The following CHST11 variants were observed in gnomAD, a reference collection of about 807,000 sequenced individuals.
CHST11 encodes the protein carbohydrate sulfotransferase 11, also known as C4S-1.
Under a neutral mutation model 30.4 loss-of-function variants are expected in CHST11, and 9 were observed. The observed-to-expected ratio is 0.30, with a 90% CI of 0.18 to 0.52. The LOEUF is 0.52. Among genes scored for constraint, CHST11 ranks in the 20% least tolerant of loss-of-function variants. The pLI is 0.97. For missense variants in CHST11, 348 were observed against 460.6 expected, an observed-to-expected ratio of 0.76 and a Z score of 2.24; for synonymous variants, 152 against 187.8, an observed-to-expected ratio of 0.81 and a Z score of 1.56.
At chr12:104,477,412 A>G (rs1291437354) in intron 1 of CHST11, among the ~76,000 whole-genome samples, 1 of 152,156 alleles carries the variant, frequency 6.6e-6, no homozygotes, top group Non-Finnish European at 1.5e-5. Flanking sequence ...TCTGCGAGAA[A>G]AATTTCTTTT....
At chr12:104,616,798 A>G (rs565115280) in intron 2 of CHST11, among the ~76,000 whole-genome samples, 2 of 152,150 alleles carry the variant, frequency 1.3e-5, no homozygotes, top group Non-Finnish European at 2.9e-5. Flanking sequence ...GGTGGTCTGC[A>G]CAATCATTAA....
chr12:104,757,834 TTTTAA>T lies in CHST11; in HGVS notation c.*37_*41del. On this transcript the variant is annotated 3_prime_UTR_variant, in exon 3 of 3. Transcript: ENST00000303694. This position sits in a 1 kb window ranked among gnomAD's most constrained non-coding sequence, Gnocchi z 6.5. ...GTGGGGAGAGGGAGAGAATCATGCT[TTTTAA>T]TTTAAGATTTTTATTTGTCAAAAGA... is the stretch of plus-strand genomic sequence containing the variant. 1 of 1,558,980 alleles carries T rather than the reference TTTTAA, an allele frequency of 6.4e-7. No homozygotes were observed. The highest frequency in any genetic ancestry group is 8.7e-7 in the Non-Finnish European group (1 of 1,154,778).
At chr12:104,638,107 T>C (rs1479288891) in intron 2 of CHST11, among the ~76,000 whole-genome samples, 1 of 152,056 alleles carries the variant, frequency 6.6e-6, no homozygotes, top group Non-Finnish European at 1.5e-5. Context: ...AAAATGGGTC[T>C]TCCGGGTCAT....
intron 1 of CHST11, among the ~76,000 whole-genome samples, chr12:104,586,541 A>G (rs1052044196): frequency 2.0e-5 from 3 of 152,234 alleles, no homozygotes; most frequent in Non-Finnish European, 4.4e-5. Context: ...GGTTACCTGG[A>G]CTATTTCCTT....
At chr12:104,534,405 G>T (rs968747197) in intron 1 of CHST11, among the ~76,000 whole-genome samples, 3 of 152,154 alleles carry the variant, frequency 2.0e-5, no homozygotes, top group African/African-American at 7.2e-5. Context: ...TCAGAACCGG[G>T]CAAATAGAGC....
At chr12:104,669,309 A>G (rs2039669213) in intron 2 of CHST11, among the ~76,000 whole-genome samples, 1 of 152,228 alleles carries the variant, frequency 6.6e-6, no homozygotes, top group Admixed American at 6.5e-5. Context: ...GAAAAAGAGC[A>G]GCATGAAGGC....
intron 1 of CHST11, among the ~76,000 whole-genome samples, chr12:104,520,200 T>C (rs1220348545): frequency 6.6e-6 from 1 of 152,202 alleles, no homozygotes; most frequent in Non-Finnish European, 1.5e-5. Context: ...TTCAGGACAG[T>C]CTCTGAACTA....
intron 1 of CHST11, among the ~76,000 whole-genome samples, chr12:104,536,893 G>A (rs1051015393): frequency 2.0e-5 from 3 of 152,154 alleles, no homozygotes; most frequent in Non-Finnish European, 4.4e-5. Context: ...GATGGCTGAA[G>A]GGATAGTTGT....
At chr12:104,473,481 C>G (rs1303211893) in intron 1 of CHST11, among the ~76,000 whole-genome samples, 1 of 152,126 alleles carries the variant, frequency 6.6e-6, no homozygotes, top group Non-Finnish European at 1.5e-5. Flanking sequence ...GTATCCGGGT[C>G]AGGCTGCAGC....
intron 1 of CHST11, among the ~76,000 whole-genome samples, chr12:104,548,331 T>C (rs1187601978): frequency 1.3e-5 from 2 of 152,194 alleles, no homozygotes. Context: ...AATTCTGATT[T>C]GTAGCATTTG....
intron 1 of CHST11, among the ~76,000 whole-genome samples, chr12:104,535,067 ATCAC>A (rs1565978062): frequency 6.6e-6 from 1 of 152,238 alleles, no homozygotes; most frequent in Non-Finnish European, 1.5e-5. Flanking sequence ...GGGTTATAAA[ATCAC>A]TCCTTGTGGA....
rs2037570588 is a variant in CHST11, at chr12:104,477,126, A to T, written c.118+19597A>T. 3.9e-5 allele frequency among the ~76,000 whole-genome samples: 6 copies of T among 152,280 alleles called. No homozygotes were observed. The South Asian group carries it at 1.2e-3, about 32-fold the overall frequency. On this transcript the variant is annotated intron_variant, in intron 1 of 2. Coordinates refer to ENST00000303694, the MANE Select transcript of CHST11 (RefSeq NM_018413.6). ...TCCATACCCTCAGTGCCTGTCCAAGAGTCCTATAATAGATCATCCTTAGGA... is the reference window on the plus strand; with the variant it reads ...TCCATACCCTCAGTGCCTGTCCAAGTGTCCTATAATAGATCATCCTTAGGA...
At chr12:104,660,216 G>A (rs1427000718) in intron 2 of CHST11, among the ~76,000 whole-genome samples, 4 of 152,148 alleles carry the variant, frequency 2.6e-5, no homozygotes, top group Non-Finnish European at 5.9e-5. Context: ...TGTTTTGATT[G>A]TACAGATGCT....
intron 1 of CHST11, among the ~76,000 whole-genome samples, chr12:104,593,452 T>C (rs1274697054): frequency 3.3e-5 from 5 of 152,226 alleles, no homozygotes; most frequent in Non-Finnish European, 7.3e-5. Flanking sequence ...GGCTGAACCC[T>C]ATTTTCACCT....
At chr12:104,487,820 G>A (rs754690426) in intron 1 of CHST11, among the ~76,000 whole-genome samples, 1 of 151,328 alleles carries the variant, frequency 6.6e-6, no homozygotes, top group Non-Finnish European at 1.5e-5. Flanking sequence ...GTCTCCTTGC[G>A]TGGTTAAAAT....
intron 1 of CHST11, among the ~76,000 whole-genome samples, chr12:104,546,461 C>CA (rs760073702): frequency 0.042 from 2,820 of 66,728 alleles, 56 homozygotes; most frequent in African/African-American, 0.069. Context: ...GACCCTGTCT[C>CA]AAAAAAAAAA....
intron 2 of CHST11, among the ~76,000 whole-genome samples, chr12:104,633,667 G>T (rs139890806): frequency 6.6e-6 from 1 of 151,716 alleles, no homozygotes; most frequent in African/African-American, 2.4e-5. Flanking sequence ...CGCCTGCCTC[G>T]GCCTCCCAAA....
chr12:104,617,891 T>C (rs1592796688), intron 2 of CHST11, among the ~76,000 whole-genome samples: 1 of 152,142 alleles, frequency 6.6e-6, no homozygotes, highest in South Asian at 2.1e-4. Context: ...CAAATACATA[T>C]TTTTTTCTTT....
chr12:104,624,094 T>A (rs568137271), intron 2 of CHST11, among the ~76,000 whole-genome samples: 2 of 152,248 alleles, frequency 1.3e-5, no homozygotes, highest in South Asian at 4.1e-4. Flanking sequence ...GAGCGGAATC[T>A]CAGAGAATGG....
Sources: allele counts gnomAD v4.1 joint callset (sites outside exome capture counted in the v4.1 genomes callset), GRCh38; gene constraint gnomAD v4.1.1; non-coding constraint Gnocchi (gnomAD v3.1); transcripts MANE v1.5; gene names NCBI Gene and HGNC (gene_info 2026-07-23, HGNC 2026-07-21).